Variants in SEPTIN9 observed in about 807,000 individuals in gnomAD.
SEPTIN9 encodes the protein septin-9.
SEPTIN9 carries 13 observed loss-of-function variants against 56.6 expected under a neutral mutation model. The ratio of observed to expected loss-of-function variants is 0.23; its 90% CI spans 0.15 to 0.37. SEPTIN9 has a LOEUF of 0.37. SEPTIN9 is among the 10% of genes least tolerant of loss of function. The pLI, the probability that SEPTIN9 is intolerant of heterozygous loss-of-function variation, is 1.00. For synonymous variants in SEPTIN9, 332 were observed against 334.1 expected (o/e 0.99, Z 0.07); for missense variants, 650 against 823.1 (o/e 0.79, Z 2.57).
intron 3 of SEPTIN9, among the ~76,000 whole-genome samples, chr17:77,480,465 G>A (rs2039410815): frequency 1.3e-5 from 2 of 152,250 alleles, no homozygotes; most frequent in Admixed American, 1.3e-4. Context: ...TTCGGTTCTT[G>A]CCCCGCAAGT....
Position 77,433,500 on chromosome 17 carries a change from C to T in SEPTIN9, c.721+30797C>T, listed in dbSNP as rs1049754839. Among the ~76,000 whole-genome samples the T allele has an allele frequency of 2.6e-5, 4 of 152,208 alleles. No homozygotes were observed. Among genetic ancestry groups the T allele is most frequent in the South Asian group, 2.1e-4 (1 of 4,826 alleles). On this transcript the variant is annotated intron_variant, in intron 3 of 11. Transcript: ENST00000427177. The surrounding 1 kb of genome is among the most constrained non-coding windows in gnomAD (Gnocchi z 6.4). ...CACGGAGAGGCTTTTGTGCCTGTGA[C>T]GGCCAAAAGGGATGGCGCCCCAGCC... is the stretch of plus-strand genomic sequence containing the variant.
intron 1 of SEPTIN9, among the ~76,000 whole-genome samples, chr17:77,297,630 C>G (rs2031875596): frequency 6.6e-6 from 1 of 152,188 alleles, no homozygotes; most frequent in Non-Finnish European, 1.5e-5. Flanking sequence ...TTTCAGGCTC[C>G]TTCCAGTCGT....
chr17:77,439,291 T>G lies in SEPTIN9; in HGVS notation c.721+36588T>G, dbSNP rs1318283042. Among the ~76,000 whole-genome samples the G allele has an allele frequency of 2.6e-5, 4 of 152,160 alleles. No homozygotes were observed. In the East Asian group the frequency reaches 7.7e-4, roughly 29 times the overall value. On this transcript the variant is annotated intron_variant, in intron 3 of 11. Coordinates refer to ENST00000427177, the MANE Select transcript of SEPTIN9 (RefSeq NM_001113491.2). ...AAGAGTAGCTACTGTATCCAGGTGC[T>G]GGAGCCTCTGGCCACTTCCTGCAGG...
intron 2 of SEPTIN9, among the ~76,000 whole-genome samples, chr17:77,307,552 G>A (rs190439383): frequency 1.2e-4 from 19 of 152,280 alleles, no homozygotes; most frequent in Non-Finnish European, 2.6e-4. Context: ...GGCTTTGGCC[G>A]TGAGCCTCTC....
rs118042418 is a variant in SEPTIN9, at chr17:77,431,121, G to A, written c.721+28418G>A. Among the ~76,000 whole-genome samples the A allele has an allele frequency of 3.1e-4, 47 of 152,278 alleles. 2 individuals carry two copies. In the East Asian group the frequency reaches 9.1e-3, roughly 29 times the overall value. On this transcript the variant is annotated intron_variant, in intron 3 of 11. Transcript: ENST00000427177. ...TTTGGGAGGCTGCGGTGGGAGAGTC[G>A]CTTGAGGCCAGGCGTTCGAGACCAG...
chr17:77,376,233 G>A (rs1203536656), intron 2 of SEPTIN9: 31 of 985,998 alleles, frequency 3.1e-5, no homozygotes, highest in Non-Finnish European at 3.7e-5. Flanking sequence ...GGGCCTGCCT[G>A]TGAAGATCAT....
At chr17:77,340,829 C>G (rs941907341) in intron 2 of SEPTIN9, among the ~76,000 whole-genome samples, 2 of 152,258 alleles carry the variant, frequency 1.3e-5, no homozygotes, top group South Asian at 4.1e-4. Flanking sequence ...GCACCTGCTG[C>G]TTCACCTTGC....
At chr17:77,325,464 C>A (rs1011409702) in intron 2 of SEPTIN9, among the ~76,000 whole-genome samples, 14 of 152,320 alleles carry the variant, frequency 9.2e-5, no homozygotes, top group Admixed American at 8.5e-4. Flanking sequence ...CCTCTCAGGC[C>A]AGCCAGGGAG....
Position 77,407,372 on chromosome 17 carries a change from A to G in SEPTIN9, c.721+4669A>G, listed in dbSNP as rs1392888771. On this transcript the variant is annotated intron_variant, in intron 3 of 11. Transcript: ENST00000427177. Reference sequence around the variant, plus strand: ...GTGTGCCATGAAATTATGCTGAAGGAGTGAGCCACTGGTGGTGAGTTGGGA... The same window carrying G: ...GTGTGCCATGAAATTATGCTGAAGGGGTGAGCCACTGGTGGTGAGTTGGGA... Among the ~76,000 whole-genome samples, 9 of 150,274 alleles carry G rather than the reference A, an allele frequency of 6.0e-5. 1 individual carries two copies. Among genetic ancestry groups the G allele is most frequent in the Admixed American group, 4.7e-4 (7 of 15,022 alleles).
chr17:77,492,067 TG>T lies in SEPTIN9; in HGVS notation c.1381-553del, dbSNP rs1456830326. 1.3e-5 allele frequency among the ~76,000 whole-genome samples: 2 copies of T among 152,084 alleles called. No homozygotes were observed. The highest frequency in any genetic ancestry group is 4.8e-5 in the African/African-American group (2 of 41,414). On this transcript the variant is annotated intron_variant, in intron 8 of 11. Coordinates refer to ENST00000427177, the MANE Select transcript of SEPTIN9 (RefSeq NM_001113491.2). This position sits in a 1 kb window ranked among gnomAD's most constrained non-coding sequence, Gnocchi z 5.4. ...TAACCTACTCCGTCCTGGGGCCAGG[TG>T]TCAGGGACCTTCCCAGCATGTGCAG...
At chr17:77,446,730 C>CA (rs1289887447) in intron 3 of SEPTIN9, 1 of 167,076 alleles carries the variant, frequency 6.0e-6, no homozygotes, top group African/African-American at 2.4e-5. Flanking sequence ...GTTACATCTA[C>CA]AGAGTCCCTG....
chr17:77,468,053 C>T (rs972640456), intron 3 of SEPTIN9, among the ~76,000 whole-genome samples: 2 of 151,962 alleles, frequency 1.3e-5, no homozygotes, highest in African/African-American at 4.8e-5. Context: ...ATTACGAGGT[C>T]AGGAGATCGA....
chr17:77,482,595 G>T (rs1284387596), intron 4 of SEPTIN9: 2 of 674,312 alleles, frequency 3.0e-6, no homozygotes, highest in Admixed American at 2.1e-5. Flanking sequence ...GGCCGGCCTG[G>T]AGCAGGTCCT....
rs553394972 is a variant in SEPTIN9, at chr17:77,382,352, CAT to C, written c.77-19705_77-19704del. ...CCTTCTCTTGCCATTTCTGCAGACT[CAT>C]AGTGTGTGTGGAAGACTGTATGTCT... On this transcript the variant is annotated intron_variant, in intron 2 of 11. Transcript: ENST00000427177. Among the ~76,000 whole-genome samples, 19 of 152,356 alleles carry C rather than the reference CAT, an allele frequency of 1.2e-4. No homozygotes were observed. The East Asian group carries it at 3.1e-3, about 25-fold the overall frequency.
intron 2 of SEPTIN9, among the ~76,000 whole-genome samples, chr17:77,328,146 C>T (rs1302992773): frequency 6.9e-6 from 1 of 144,280 alleles, no homozygotes; most frequent in East Asian, 2.1e-4. Flanking sequence ...CGTCCTGTGC[C>T]CAGGGTGTCC....
rs1016336341 is a variant in SEPTIN9 at position 77,433,560 on chromosome 17, T to C, written c.721+30857T>C. On this transcript the variant is annotated intron_variant, in intron 3 of 11. Transcript: ENST00000427177. The surrounding 1 kb of genome is among the most constrained non-coding windows in gnomAD (Gnocchi z 6.4). ...CCCACCCCGAGGCCCAGCATGGCCA[T>C]GCCGGAAATAGCAGCATCGTCCCCC... Among the ~76,000 whole-genome samples the C allele has an allele frequency of 3.3e-5, 5 of 151,056 alleles. No homozygotes were observed. Among genetic ancestry groups the C allele is most frequent in the African/African-American group, 4.9e-5 (2 of 41,214 alleles).
intron 3 of SEPTIN9, among the ~76,000 whole-genome samples, chr17:77,460,080 C>G (rs1043176837): frequency 1.3e-5 from 2 of 152,048 alleles, no homozygotes; most frequent in African/African-American, 2.4e-5. Flanking sequence ...CCCACCCCCC[C>G]CAGGCCTTAC....
At chr17:77,290,549 C>T (rs1023631407) in intron 1 of SEPTIN9, among the ~76,000 whole-genome samples, 6 of 151,770 alleles carry the variant, frequency 4.0e-5, no homozygotes, top group Admixed American at 2.0e-4. Context: ...TTCTTAGGGC[C>T]GGGAGCGGTG....
At position 77,480,327 on chromosome 17, in the gene SEPTIN9, A is replaced by T. The variant is rs2039403982; in HGVS notation, c.722-1817A>T. Among the ~76,000 whole-genome samples the T allele has an allele frequency of 2.6e-5, 4 of 152,260 alleles. No individual in the cohort carries two copies. The South Asian group carries it at 8.3e-4, about 32-fold the overall frequency. On this transcript the variant is annotated intron_variant, in intron 3 of 11. Transcript: ENST00000427177. ...AGAGTCTTTTCCTCTCTCACCTCTG[A>T]TGCCTCAGGCCTGGGGAGCCTCCCT...
Sources: allele counts gnomAD v4.1 joint callset (sites outside exome capture counted in the v4.1 genomes callset), GRCh38; gene constraint gnomAD v4.1.1; non-coding constraint Gnocchi (gnomAD v3.1); transcripts MANE v1.5; gene names NCBI Gene and HGNC (gene_info 2026-07-23, HGNC 2026-07-21).